The following NHERF2 variants were observed in gnomAD, a reference collection of about 807,000 sequenced individuals.
NHERF2 encodes the protein Na(+)/H(+) exchange regulatory cofactor NHE-RF2.
chr16:2,037,278 G>A, the NHERF2 span, among the ~76,000 whole-genome samples: 28 of 152,166 alleles, frequency 1.8e-4, no homozygotes, highest in African/African-American at 6.8e-4. Context: ...GGGAGCTGGC[G>A]GTGGCCTCAC....
At chr16:2,038,583 GA>G in the NHERF2 span, 2 of 323,594 alleles carry the variant, frequency 6.2e-6, no homozygotes, top group South Asian at 4.8e-5. Flanking sequence ...TCTTCGTGGG[GA>G]CCTTGGGTAA....
the NHERF2 span, chr16:2,037,003 G>C: frequency 8.4e-6 from 13 of 1,549,924 alleles, 1 homozygote; most frequent in South Asian, 1.4e-4. Context: ...GCCCAGGTAA[G>C]AGGGTGGGGT....
the NHERF2 span, chr16:2,038,531 A>G: frequency 1.1e-5 from 4 of 360,356 alleles, 1 homozygote; most frequent in South Asian, 8.1e-5. Context: ...CCTGAGTGGG[A>G]GTCCCTGGGA....
the NHERF2 span, chr16:2,035,803 C>T: frequency 1.9e-6 from 1 of 523,072 alleles, no homozygotes; most frequent in Non-Finnish European, 2.5e-6. Context: ...CTTGCTGGGC[C>T]CACGGGGGTG....
the NHERF2 span, chr16:2,036,611 G>C: frequency 6.6e-7 from 1 of 1,521,654 alleles, no homozygotes; most frequent in Admixed American, 1.9e-5. Context: ...GAGCTGGTGC[G>C]CCTCCTGCTG....
chr16:2,038,601 G>A, the NHERF2 span: 7 of 307,566 alleles, frequency 2.3e-5, no homozygotes, highest in Non-Finnish European at 4.3e-5. Context: ...GTAAGGCCAG[G>A]GAGGCCTGAT....
At chr16:2,030,663 G>C in the NHERF2 span, among the ~76,000 whole-genome samples, 1 of 150,822 alleles carries the variant, frequency 6.6e-6, no homozygotes, top group Non-Finnish European at 1.5e-5. Context: ...CCCTGGCCGG[G>C]TGCGGTGGCT....
the NHERF2 span, among the ~76,000 whole-genome samples, chr16:2,035,087 G>A: frequency 1.3e-5 from 2 of 152,118 alleles, no homozygotes; most frequent in African/African-American, 2.4e-5. Context: ...GCTGGGTGGT[G>A]GCCATGCAGA....
the NHERF2 span, chr16:2,029,528 T>C: frequency 2.7e-6 from 4 of 1,500,136 alleles, no homozygotes; most frequent in African/African-American, 1.4e-5. Flanking sequence ...CCACTGCCCA[T>C]GTGCTGCCCG....
the NHERF2 span, among the ~76,000 whole-genome samples, chr16:2,028,752 G>A: frequency 1.1e-4 from 16 of 152,256 alleles, no homozygotes; most frequent in East Asian, 5.8e-4. Flanking sequence ...CCCCCAGGCC[G>A]CAGGTGGGAG....
the NHERF2 span, chr16:2,035,567 C>G: frequency 1.0e-6 from 1 of 987,512 alleles, no homozygotes; most frequent in South Asian, 4.7e-5. Flanking sequence ...CCATGTTTAA[C>G]TGAGCACGGG....
chr16:2,038,273 G>T, the NHERF2 span: 1 of 553,638 alleles, frequency 1.8e-6, no homozygotes, highest in Non-Finnish European at 3.3e-6. Context: ...GCGAGCGAGC[G>T]CGCGGCAGCC....
At chr16:2,032,974 C>T in the NHERF2 span, 2 of 1,118,368 alleles carry the variant, frequency 1.8e-6, no homozygotes, top group Non-Finnish European at 2.2e-6. This position sits in a 1 kb window ranked among gnomAD's most constrained non-coding sequence, Gnocchi z 4.0. Context: ...GCGGTGCCTG[C>T]GGGGGCTTCC....
the NHERF2 span, among the ~76,000 whole-genome samples, chr16:2,031,536 C>T: frequency 2.0e-5 from 3 of 152,186 alleles, no homozygotes; most frequent in African/African-American, 7.2e-5. Context: ...GTGGGACCTT[C>T]CCCCTCTGCT....
the NHERF2 span, chr16:2,035,415 C>T: frequency 2.0e-6 from 2 of 985,638 alleles, no homozygotes; most frequent in Non-Finnish European, 2.4e-6. Flanking sequence ...GGCCTGTGGT[C>T]CCTCAGGGAC....
chr16:2,036,234 C>T, the NHERF2 span: 33 of 1,349,018 alleles, frequency 2.4e-5, no homozygotes, highest in African/African-American at 2.5e-4. Flanking sequence ...GGCACGGTAC[C>T]GAGTTTGGGC....
the NHERF2 span, chr16:2,033,161 A>G: frequency 4.9e-6 from 7 of 1,422,878 alleles, no homozygotes; most frequent in Non-Finnish European, 6.4e-6. Flanking sequence ...GCCAGGCTGG[A>G]GCCTTCGCAG....
chr16:2,032,884 C>A, the NHERF2 span: 1 of 1,028,992 alleles, frequency 9.7e-7, no homozygotes, highest in East Asian at 1.1e-4. This position sits in a 1 kb window ranked among gnomAD's most constrained non-coding sequence, Gnocchi z 4.0. Context: ...CATGTCTCCA[C>A]CCCCATCTGG....
At chr16:2,035,347 C>G in the NHERF2 span, 6 of 963,000 alleles carry the variant, frequency 6.2e-6, no homozygotes, top group Non-Finnish European at 7.4e-6. Flanking sequence ...GCCTGGAGAC[C>G]TGCCCTCCTG....
Sources: gnomAD v4.1 joint callset for allele counts (sites outside exome capture counted in the v4.1 genomes callset) on GRCh38, gnomAD v4.1.1 for gene constraint, Gnocchi (gnomAD v3.1) non-coding constraint, MANE v1.5 for transcripts, NCBI Gene and HGNC (gene_info 2026-07-23, HGNC 2026-07-21) for gene names.